RRP12: variants seen among roughly 807,000 people sequenced by gnomAD.
RRP12 encodes ribosomal RNA processing 12 homolog, also known as RRP12-like protein.
A neutral mutation model predicts 157.3 loss-of-function variants in RRP12; 78 were observed. The ratio of observed to expected loss-of-function variants is 0.50; its 90% confidence interval spans 0.41 to 0.60. The LOEUF is 0.60. Ranked by LOEUF, RRP12 falls within the 20% of genes least tolerant of loss-of-function variation. The pLI is 0.00. For missense variants in RRP12, 1,521 were observed against 1,679.9 expected, an observed-to-expected ratio of 0.91 and a Z score of 1.65; for synonymous variants, 726 against 670.9, an observed-to-expected ratio of 1.08 and a Z score of -1.27.
chr10:97,398,995 C>T (rs752674502), intron 2 of RRP12, among the ~76,000 whole-genome samples: 9 of 151,998 alleles, frequency 5.9e-5, no homozygotes, highest in East Asian at 1.9e-4. Context: ...TAATTTGGGC[C>T]GGGCGCAGTG....
At chr10:97,383,085 G>A (rs1844515905) in intron 10 of RRP12, among the ~76,000 whole-genome samples, 1 of 152,140 alleles carries the variant, frequency 6.6e-6, no homozygotes, top group African/African-American at 2.4e-5. Context: ...TCTAATGGCT[G>A]CACAGTACTT....
chr10:97,372,944 A>G (rs3818908), intron 18 of RRP12, 102 bp downstream of exon 18: 492,398 of 1,455,728 alleles, frequency 0.34, 85,338 homozygotes, highest in African/African-American at 0.51. Flanking sequence ...GCTCCAAAAC[A>G]CAGAGACCCA....
At chr10:97,384,404 C>A (rs1844557986) in intron 10 of RRP12, among the ~76,000 whole-genome samples, 1 of 150,410 alleles carries the variant, frequency 6.6e-6, no homozygotes, top group East Asian at 2.0e-4. Flanking sequence ...CCTAAAGACC[C>A]CCCAACCTTG....
chr10:97,398,504 C>T (rs1845048963), intron 2 of RRP12, among the ~76,000 whole-genome samples: 2 of 151,236 alleles, frequency 1.3e-5, no homozygotes, highest in Non-Finnish European at 2.9e-5. Flanking sequence ...CAGGCGCATG[C>T]CACCATGCCA....
chr10:97,396,380 A>C, intron 2 of RRP12, 79 bp from the exon 3 acceptor site: 1 of 1,114,244 alleles, frequency 9.0e-7, no homozygotes, highest in Non-Finnish European at 1.4e-6. Context: ...TTGCTCCTTC[A>C]CAGATTAATC....
At chr10:97,397,167 G>A (rs1433358010) in intron 2 of RRP12, among the ~76,000 whole-genome samples, 6 of 151,962 alleles carry the variant, frequency 3.9e-5, no homozygotes, top group Non-Finnish European at 2.9e-5. Flanking sequence ...TGTTGTTGTT[G>A]TTGTTGTTTT....
At chr10:97,393,791 A>AT in intron 3 of RRP12, 31 bp from the exon 4 acceptor site, 2 of 1,579,480 alleles carry the variant, frequency 1.3e-6, no homozygotes, top group Non-Finnish European at 1.7e-6. Context: ...GTTTGAATGG[A>AT]TAAAAACTTA....
intron 28 of RRP12, 59 bp downstream of exon 28, chr10:97,366,387 G>T: frequency 6.4e-7 from 1 of 1,561,732 alleles, no homozygotes. Flanking sequence ...CCCACCACCT[G>T]AGAACCTGGC....
At chr10:97,360,122 T>C (rs1003673193) in intron 31 of RRP12, among the ~76,000 whole-genome samples, 1 of 152,222 alleles carries the variant, frequency 6.6e-6, no homozygotes, top group Non-Finnish European at 1.5e-5. Flanking sequence ...GGGAACCCTC[T>C]GGCCAGACCC....
chr10:97,398,039 A>ATAT (rs1436494245), intron 2 of RRP12, among the ~76,000 whole-genome samples: 1 of 56,034 alleles, frequency 1.8e-5, no homozygotes, highest in Non-Finnish European at 3.2e-5. Context: ...ATATATACGT[A>ATAT]TTTTTTTTTT....
chr10:97,373,655 A>T lies in RRP12; in HGVS notation c.1946T>A (p.Met649Lys). Residue 649 changes from methionine to lysine, a missense_variant, in exon 17 of 34, where the codon ATG (methionine) becomes AAG (lysine). By Grantham distance (95) the Met-to-Lys change is moderately conservative. Coordinates refer to ENST00000370992, the MANE Select transcript of RRP12 (RefSeq NM_015179.4). ...CAGGTCTGGACGCTCGCTGATGGCC[A>T]TGCCCAGCGTCCGTGCCAGCCCTTT... Reference protein sequence around the residue: ...SFKGLARTLGMAISERPDLRV... With the variant: ...SFKGLARTLGKAISERPDLRV... 1 of 1,613,912 alleles carries T rather than the reference A, an allele frequency of 6.2e-7. No homozygotes were observed. Among genetic ancestry groups the T allele is most frequent in the East Asian group, 2.2e-5 (1 of 44,882 alleles).
At chr10:97,358,458 C>G (rs543322018) in intron 33 of RRP12, 79 bp downstream of exon 33, 4 of 1,038,972 alleles carry the variant, frequency 3.8e-6, no homozygotes, top group Non-Finnish European at 6.0e-6. Flanking sequence ...TTTAATAAGG[C>G]CTTCCCTTCT....
At position 97,366,634 on chromosome 10, in the gene RRP12, A is replaced by G. The variant is rs375203647; in HGVS notation, c.3216-13T>C. Reference sequence around the variant, plus strand: ...AATCTCCTCAATGCTAAGGACAAAAAGCCCCCAGTCAGAGTGCTCCCAGGA... The same window carrying G: ...AATCTCCTCAATGCTAAGGACAAAAGGCCCCCAGTCAGAGTGCTCCCAGGA... On this transcript the variant is annotated splice_polypyrimidine_tract_variant and intron_variant, in intron 27 of 33. Transcript: ENST00000370992. 6.2e-6 allele frequency: 10 copies of G among 1,607,380 alleles called. No individual in the cohort carries two copies. In the African/African-American group the frequency reaches 1.2e-4, roughly 19 times the overall value.
intron 9 of RRP12, among the ~76,000 whole-genome samples, 155 bp from the exon 10 acceptor site, chr10:97,385,412 C>T (rs1021438578): frequency 6.6e-6 from 1 of 152,104 alleles, no homozygotes; most frequent in Non-Finnish European, 1.5e-5. Flanking sequence ...TCCTGCCTTT[C>T]CCTTCTCCAT....
At chr10:97,374,748 G>T (rs533661137) in intron 15 of RRP12, among the ~76,000 whole-genome samples, 1 of 145,902 alleles carries the variant, frequency 6.9e-6, no homozygotes. Context: ...CAACAGCCTG[G>T]GTGACGGAGC....
At chr10:97,396,708 C>T (rs1564771645) in intron 2 of RRP12, among the ~76,000 whole-genome samples, 1 of 152,170 alleles carries the variant, frequency 6.6e-6, no homozygotes, top group Non-Finnish European at 1.5e-5. Context: ...CGAGGATGCT[C>T]AGGTCCCTTA....
At chr10:97,392,855 T>A (rs561859052) in intron 4 of RRP12, among the ~76,000 whole-genome samples, 1 of 151,990 alleles carries the variant, frequency 6.6e-6, no homozygotes, top group East Asian at 1.9e-4. Flanking sequence ...CATGCCCAGC[T>A]AATTTTTGTG....
Position 97,358,575 on chromosome 10 carries a change from A to G in RRP12, c.3753T>C (p.Tyr1251=), listed in dbSNP as rs769000601. ...DVKKKGRPDP[Y]AYIPLNRSKL... ...TGCTTCTGTTGAGGGGGATGTAGGC[A>G]TAGGGATCCGGCCGGCCTTTCTTCT... Residue 1251 remains tyrosine (Y), a synonymous_variant, in exon 33 of 34, where the codon TAT becomes TAC. Coordinates refer to ENST00000370992, the MANE Select transcript of RRP12 (RefSeq NM_015179.4). The G allele has an allele frequency of 3.7e-5, 59 of 1,613,996 alleles. No individual in the cohort carries two copies. The Middle Eastern group carries it at 2.3e-3, about 63-fold the overall frequency.
chr10:97,378,869 A>G (rs976730569), intron 15 of RRP12, among the ~76,000 whole-genome samples: 39 of 130,672 alleles, frequency 3.0e-4, no homozygotes, highest in African/African-American at 1.2e-3. Context: ...AAAAATAATA[A>G]TAATAAAATA....
Sources: gnomAD v4.1 joint callset for allele counts (sites outside exome capture counted in the v4.1 genomes callset) on GRCh38, gnomAD v4.1.1 for gene constraint, MANE v1.5 for transcripts, NCBI Gene and HGNC (gene_info 2026-07-23, HGNC 2026-07-21) for gene names.